The following KCNH5 variants were observed in gnomAD, a reference collection of about 807,000 sequenced individuals.
KCNH5 encodes the protein potassium voltage-gated channel subfamily H member 5.
Under a neutral mutation model 96.1 loss-of-function variants are expected in KCNH5, and 46 were observed. The ratio of observed to expected loss-of-function variants is 0.48; its 90% CI spans 0.38 to 0.61. KCNH5 has a LOEUF of 0.61. KCNH5 is among the 20% of genes least tolerant of loss of function. KCNH5 has a pLI of 0.00. For missense variants in KCNH5, 907 were observed against 1,225.8 expected (o/e 0.74, Z 3.88); for synonymous variants, 439 against 449.8 (o/e 0.98, Z 0.30).
intron 10 of KCNH5, among the ~76,000 whole-genome samples, chr14:62,717,413 A>G (rs1884708485): frequency 6.6e-6 from 1 of 152,186 alleles, no homozygotes; most frequent in South Asian, 2.1e-4. Flanking sequence ...TAATTAAAGG[A>G]TTTGGTACTG....
chr14:62,933,612 T>G (rs1428889096), intron 7 of KCNH5, among the ~76,000 whole-genome samples: 1 of 151,912 alleles, frequency 6.6e-6, no homozygotes, highest in Non-Finnish European at 1.5e-5. Context: ...TCTCCAATAA[T>G]CATGTAAAAA....
intron 6 of KCNH5, among the ~76,000 whole-genome samples, chr14:62,966,173 T>A (rs1319921359): frequency 2.0e-5 from 3 of 152,194 alleles, no homozygotes; most frequent in Admixed American, 1.3e-4. Flanking sequence ...GAAACTAGCA[T>A]CTTCTGAAAG....
At chr14:62,780,646 C>T (rs2139976426) in intron 9 of KCNH5, among the ~76,000 whole-genome samples, 1 of 152,286 alleles carries the variant, frequency 6.6e-6, no homozygotes, top group Non-Finnish European at 1.5e-5. Context: ...CAAAAATCAC[C>T]TATTCACTTC....
chr14:62,919,084 C>T lies in KCNH5; in HGVS notation c.1369+31049G>A, dbSNP rs17223804. Reference sequence around the variant, plus strand: ...AAAAATATCCATGACACACTGTAGGCATAGAAATTGATTACAAAAAGTGTA... The same window carrying T: ...AAAAATATCCATGACACACTGTAGGTATAGAAATTGATTACAAAAAGTGTA... On this transcript the variant is annotated intron_variant, in intron 7 of 10. Transcript: ENST00000322893. Among the ~76,000 whole-genome samples the T allele has an allele frequency of 8.3e-3, 1,265 of 152,050 alleles. 29 individuals carry two copies. The East Asian group carries it at 0.087, about 11-fold the overall frequency.
At chr14:62,910,712 C>T (rs1266627513) in intron 7 of KCNH5, among the ~76,000 whole-genome samples, 1 of 152,146 alleles carries the variant, frequency 6.6e-6, no homozygotes. Flanking sequence ...CGACTCTAAC[C>T]ATGCTGGGCT....
chr14:63,022,270 C>T (rs560928240), intron 1 of KCNH5, among the ~76,000 whole-genome samples: 1 of 152,192 alleles, frequency 6.6e-6, no homozygotes, highest in South Asian at 2.1e-4. Flanking sequence ...AATCGCATTA[C>T]TTTTATCTCC....
chr14:62,843,632 G>A (rs896442794), intron 8 of KCNH5, among the ~76,000 whole-genome samples: 10 of 151,742 alleles, frequency 6.6e-5, no homozygotes, highest in Admixed American at 3.9e-4. Flanking sequence ...GGATGGTCTC[G>A]ATCTCCTCAC....
intron 7 of KCNH5, among the ~76,000 whole-genome samples, chr14:62,859,194 C>T (rs1887986305): frequency 6.6e-6 from 1 of 152,138 alleles, no homozygotes; most frequent in African/African-American, 2.4e-5. Flanking sequence ...CAACCTGCCA[C>T]CAGGTAGCGG....
In KCNH5 at chr14:62,802,399, C is replaced by A. The variant is rs201473849; in HGVS notation, c.1752G>T (p.Val584=). Residue 584 remains valine (V), a synonymous_variant, in exon 9 of 11, where the codon GTG becomes GTT. Transcript: ENST00000322893. ...CTGACACCACAAAGCAGAGGGCATC[C>A]ACACTTTCTCCAGCATGGTAAATGA... ...GDLIYHAGES[V]DALCFVVSGS... is the part of the protein sequence containing the mutation. 1 of 1,614,134 alleles carries A rather than the reference C, an allele frequency of 6.2e-7. No individual in the cohort carries two copies. Among genetic ancestry groups the A allele is most frequent in the Non-Finnish European group, 8.5e-7 (1 of 1,180,000 alleles).
intron 10 of KCNH5, among the ~76,000 whole-genome samples, chr14:62,773,290 C>A (rs746931843): frequency 7.9e-5 from 12 of 152,184 alleles, no homozygotes; most frequent in Non-Finnish European, 1.6e-4. Context: ...CAAGACGCAT[C>A]CTTGTTCTAG....
intron 1 of KCNH5, among the ~76,000 whole-genome samples, chr14:63,019,796 A>G (rs539390390): frequency 1.3e-3 from 200 of 152,206 alleles, no homozygotes; most frequent in African/African-American, 4.7e-3. Flanking sequence ...TAAGCCTCAT[A>G]TAGCAATCAC....
chr14:62,809,756 C>A (rs1886837124), intron 8 of KCNH5, among the ~76,000 whole-genome samples: 1 of 152,004 alleles, frequency 6.6e-6, no homozygotes, highest in Non-Finnish European at 1.5e-5. Context: ...AAATGAGAAA[C>A]TGGAGAGAGA....
intron 2 of KCNH5, among the ~76,000 whole-genome samples, chr14:63,011,168 G>T (rs1023377715): frequency 6.6e-6 from 1 of 152,054 alleles, no homozygotes; most frequent in Non-Finnish European, 1.5e-5. Flanking sequence ...GGGAAGTTAA[G>T]GAGGAAAAAT....
chr14:62,869,148 C>T (rs1176698844), intron 7 of KCNH5, among the ~76,000 whole-genome samples: 1 of 152,200 alleles, frequency 6.6e-6, no homozygotes, highest in African/African-American at 2.4e-5. Context: ...TTTACACTCC[C>T]ACCAACAGTG....
At chr14:63,024,240 A>G (rs1017568438) in intron 1 of KCNH5, among the ~76,000 whole-genome samples, 3 of 151,538 alleles carry the variant, frequency 2.0e-5, no homozygotes, top group Non-Finnish European at 4.4e-5. Flanking sequence ...CTTGAGACAA[A>G]TGAAAACAGA....
intron 4 of KCNH5, among the ~76,000 whole-genome samples, chr14:62,997,124 G>A (rs1292543748): frequency 6.6e-6 from 1 of 152,170 alleles, no homozygotes. Context: ...TGCGTTAATA[G>A]TCACATCATG....
chr14:62,874,944 A>G lies in KCNH5; in HGVS notation c.1370-25092T>C, dbSNP rs1486469701. ...CATCATTGTATATCTAGAAAACCCC[A>G]TCGTCTCAGCCCAAAATCTCCTTAA... is the stretch of plus-strand genomic sequence containing the variant. On this transcript the variant is annotated intron_variant, in intron 7 of 10. Coordinates refer to ENST00000322893, the MANE Select transcript of KCNH5 (RefSeq NM_139318.5). Among the ~76,000 whole-genome samples the G allele has an allele frequency of 2.1e-5, 3 of 145,134 alleles. 1 individual carries two copies. Among genetic ancestry groups the G allele is most frequent in the Admixed American group, 1.4e-4 (2 of 13,904 alleles).
chr14:62,883,850 T>C (rs1888541357), intron 7 of KCNH5, among the ~76,000 whole-genome samples: 1 of 152,052 alleles, frequency 6.6e-6, no homozygotes, highest in Admixed American at 6.6e-5. Context: ...TGGAGGAGTG[T>C]GAGTTAAGAA....
intron 8 of KCNH5, among the ~76,000 whole-genome samples, chr14:62,814,934 G>C (rs1490025): frequency 0.62 from 93,853 of 151,804 alleles, 29,426 homozygotes; most frequent in South Asian, 0.83. Flanking sequence ...ATATATGCAA[G>C]AGAAATGTCT....
Sources: allele counts gnomAD v4.1 joint callset (sites outside exome capture counted in the v4.1 genomes callset), GRCh38; gene constraint gnomAD v4.1.1; transcripts MANE v1.5; gene names NCBI Gene and HGNC (gene_info 2026-07-23, HGNC 2026-07-21).